Variants in DYNC1I1 observed in about 807,000 individuals in gnomAD.
DYNC1I1 encodes dynein cytoplasmic 1 intermediate chain 1, also known as cytoplasmic dynein 1 intermediate chain 1.
A neutral mutation model predicts 86.6 loss-of-function variants in DYNC1I1; 43 were observed. That is an observed-to-expected ratio of 0.50 (90% CI 0.39 to 0.64). The LOEUF is 0.64. Ranked by LOEUF, DYNC1I1 falls within the 30% of genes least tolerant of loss-of-function variation. The probability of loss-of-function intolerance (pLI) is 0.00; values close to 1 mark genes in which losing one functional copy is unlikely to be tolerated. For synonymous variants in DYNC1I1, 262 were observed against 283.7 expected, an observed-to-expected ratio of 0.92 and a Z score of 0.77; for missense variants, 604 against 788.8, an observed-to-expected ratio of 0.77 and a Z score of 2.81.
rs183429496 is a variant in DYNC1I1 at position 96,069,568 on chromosome 7, C to T, written c.1510-6489C>T. On this transcript the variant is annotated intron_variant, in intron 14 of 16. Coordinates refer to ENST00000447467, the MANE Select transcript of DYNC1I1 (RefSeq NM_001135556.2). ...TCTATATAGATTTGTGCTATTAAAA[C>T]GCCAGTTTTGAATGAGAACCTTGGG... 1.2e-3 allele frequency among the ~76,000 whole-genome samples: 179 copies of T among 152,268 alleles called. 1 individual carries two copies. The highest frequency in any genetic ancestry group is 3.9e-3 in the African/African-American group (161 of 41,566).
intron 2 of DYNC1I1, among the ~76,000 whole-genome samples, chr7:95,807,455 C>G (rs551658166): frequency 6.6e-6 from 1 of 152,220 alleles, no homozygotes; most frequent in Middle Eastern, 3.4e-3. Context: ...CACCCCCTAC[C>G]CCAATTCGCA....
chr7:96,022,040 G>A (rs1314451437), intron 10 of DYNC1I1, among the ~76,000 whole-genome samples: 1 of 152,118 alleles, frequency 6.6e-6, no homozygotes, highest in Non-Finnish European at 1.5e-5. Context: ...GAATTGGTGG[G>A]ACATATGATA....
chr7:96,038,286 T>C (rs1788929526), intron 13 of DYNC1I1, among the ~76,000 whole-genome samples: 2 of 152,202 alleles, frequency 1.3e-5, no homozygotes, highest in African/African-American at 4.8e-5. Context: ...AATATTAGGA[T>C]TCTACAATTC....
At chr7:95,776,022 A>G (rs182463050) in intron 1 of DYNC1I1, among the ~76,000 whole-genome samples, 1 of 152,206 alleles carries the variant, frequency 6.6e-6, no homozygotes, top group African/African-American at 2.4e-5. Flanking sequence ...AAGGCAGACC[A>G]ATCACTTGAG....
intron 14 of DYNC1I1, among the ~76,000 whole-genome samples, chr7:96,040,253 ATAAAATAAAATAG>A (rs1182973663): frequency 1.3e-5 from 2 of 152,006 alleles, no homozygotes; most frequent in African/African-American, 2.4e-5. Flanking sequence ...ATAAAATAAA[ATAAAATAAAATAG>A]TAAAATAAAA....
At chr7:96,035,919 A>T (rs1403175307) in intron 13 of DYNC1I1, among the ~76,000 whole-genome samples, 167 bp downstream of exon 13, 4 of 152,174 alleles carry the variant, frequency 2.6e-5, no homozygotes, top group African/African-American at 9.7e-5. Context: ...TCTGGTCATT[A>T]GCTGTTCATA....
intron 6 of DYNC1I1, among the ~76,000 whole-genome samples, chr7:95,895,265 A>G (rs184309438): frequency 3.7e-4 from 57 of 152,276 alleles, no homozygotes; most frequent in African/African-American, 1.3e-3. Flanking sequence ...GTTGAGTACA[A>G]TAAGAGAAAA....
intron 16 of DYNC1I1, among the ~76,000 whole-genome samples, chr7:96,082,718 TA>T (rs1790561942): frequency 6.6e-6 from 1 of 152,200 alleles, no homozygotes; most frequent in Admixed American, 6.5e-5. Context: ...TTTTCTGCAA[TA>T]AAAGTGATTT....
intron 16 of DYNC1I1, among the ~76,000 whole-genome samples, chr7:96,084,769 G>A (rs1790630006): frequency 6.6e-6 from 1 of 152,038 alleles, no homozygotes; most frequent in Non-Finnish European, 1.5e-5. Flanking sequence ...AATGAGAAGG[G>A]CCACGACTCT....
chr7:95,973,444 G>T (rs769042006), intron 6 of DYNC1I1, among the ~76,000 whole-genome samples: 12 of 152,142 alleles, frequency 7.9e-5, no homozygotes, highest in African/African-American at 2.7e-4. Flanking sequence ...AAAAGGGCAG[G>T]TACTATTTTT....
intron 5 of DYNC1I1, among the ~76,000 whole-genome samples, chr7:95,832,725 A>G (rs1400069806): frequency 2.0e-5 from 3 of 151,894 alleles, no homozygotes; most frequent in Non-Finnish European, 2.9e-5. Flanking sequence ...GCCAGTGATG[A>G]TGAGCATTTT....
intron 6 of DYNC1I1, among the ~76,000 whole-genome samples, chr7:95,893,395 A>T (rs530131305): frequency 3.9e-5 from 6 of 152,352 alleles, no homozygotes; most frequent in African/African-American, 1.4e-4. Flanking sequence ...TGTGATATTT[A>T]TATAGCAGAA....
At chr7:96,030,617 G>A (rs1794787265) in intron 11 of DYNC1I1, among the ~76,000 whole-genome samples, 3 of 152,006 alleles carry the variant, frequency 2.0e-5, no homozygotes, top group Admixed American at 2.0e-4. Flanking sequence ...TTGATGCTCA[G>A]TGGTTATCAA....
chr7:95,898,240 C>T (rs1274762154), intron 6 of DYNC1I1, among the ~76,000 whole-genome samples: 4 of 152,130 alleles, frequency 2.6e-5, no homozygotes, highest in Admixed American at 6.5e-5. Flanking sequence ...TCAAACTTGG[C>T]CACCTGCTGG....
intron 6 of DYNC1I1, among the ~76,000 whole-genome samples, chr7:95,892,071 G>T (rs1222307116): frequency 6.6e-6 from 1 of 151,996 alleles, no homozygotes; most frequent in Non-Finnish European, 1.5e-5. Flanking sequence ...AGGTTTAAGT[G>T]ATTCTTCTGC....
intron 14 of DYNC1I1, chr7:96,056,017 C>G (rs1789566963): frequency 6.9e-6 from 1 of 145,482 alleles, no homozygotes; most frequent in Non-Finnish European, 1.5e-5. Context: ...AAAAACTTAA[C>G]TTTTAAACCA....
At chr7:95,966,200 T>C (rs1793007826) in intron 6 of DYNC1I1, among the ~76,000 whole-genome samples, 1 of 152,218 alleles carries the variant, frequency 6.6e-6, no homozygotes, top group Non-Finnish European at 1.5e-5. Flanking sequence ...AGGATGACCA[T>C]AGGTCTGGTT....
At chr7:96,049,517 A>G (rs1440408332) in intron 14 of DYNC1I1, among the ~76,000 whole-genome samples, 1 of 152,012 alleles carries the variant, frequency 6.6e-6, no homozygotes, top group Non-Finnish European at 1.5e-5. Context: ...CTTTAAACTT[A>G]TTGGGTAACT....
At chr7:96,094,555 C>T (rs553761630) in intron 16 of DYNC1I1, among the ~76,000 whole-genome samples, 21 of 152,102 alleles carry the variant, frequency 1.4e-4, no homozygotes, top group Non-Finnish European at 2.6e-4. Flanking sequence ...TGTTAGGACA[C>T]CTGTTTGGTC....
Sources: gnomAD v4.1 joint callset for allele counts (sites outside exome capture counted in the v4.1 genomes callset) on GRCh38, gnomAD v4.1.1 for gene constraint, MANE v1.5 for transcripts, NCBI Gene and HGNC (gene_info 2026-07-23, HGNC 2026-07-21) for gene names.